The following ATP2A1 variants were observed in gnomAD, a reference collection of about 807,000 sequenced individuals.
ATP2A1 encodes the protein ATPase sarcoplasmic/endoplasmic reticulum Ca2+ transporting 1.
Under a neutral mutation model 109.5 loss-of-function variants are expected in ATP2A1, and 83 were observed. The observed-to-expected ratio is 0.76, with a 90% CI of 0.63 to 0.91. The LOEUF is 0.91. Ranked by LOEUF, ATP2A1 falls within the 40% of genes least tolerant of loss-of-function variation. ATP2A1 has a pLI of 0.00. For missense variants in ATP2A1, 1,101 were observed against 1,341.0 expected (o/e 0.82, Z 2.80); for synonymous variants, 505 against 537.6 (o/e 0.94, Z 0.84).
Position 28,878,629 on chromosome 16 carries a change from C to A in ATP2A1, c.-43C>A, listed in dbSNP as rs1304846936. 2.0e-6 allele frequency: 3 copies of A among 1,534,936 alleles called. No individual in the cohort carries two copies. The highest frequency in any genetic ancestry group is 2.7e-6 in the Non-Finnish European group (3 of 1,126,670). ...AAGACCCCCCACGAGTGGGAACCCC[C>A]TGGAAGGAACACACCGGCCCCGGCC... On this transcript the variant is annotated 5_prime_UTR_variant, in exon 1 of 23. In the 5' UTR this introduces an upstream ATG that the reference lacks. Transcript: ENST00000395503.
rs753722491 is a variant in ATP2A1 at position 28,903,342 on chromosome 16, C to A, written c.2882C>A (p.Ala961Asp). ...CCCCAGATGATCTTCAAGCTCCGGG[C>A]CCTGGACCTCACCCAGTGGCTCATG... ...DPLPMIFKLRALDLTQWLMVL... is the reference protein window; with the variant it reads ...DPLPMIFKLRDLDLTQWLMVL... Residue 961 changes from alanine (A) to aspartate (D), a missense_variant, in exon 21 of 23, where the codon GCC becomes GAC. Transcript: ENST00000395503. This position sits in a 1 kb window ranked among gnomAD's most constrained non-coding sequence, Gnocchi z 5.6. 1 of 1,613,934 alleles carries A rather than the reference C, an allele frequency of 6.2e-7. No individual in the cohort carries two copies. The highest frequency in any genetic ancestry group is 1.1e-5 in the South Asian group (1 of 91,074).
In ATP2A1 at chr16:28,902,431, A is replaced by G. The variant is rs1338822876; in HGVS notation, c.2524+45A>G. 2 of 1,602,608 alleles carry G rather than the reference A, an allele frequency of 1.2e-6. No homozygotes were observed. The highest frequency in any genetic ancestry group is 2.7e-5 in the African/African-American group (2 of 74,528). The stretch of plus-strand genomic sequence containing the variant: ...CGATCCTCCCCACCCCTTGGGACTA[A>G]CCCCCTCTCTGGGACACCAGCTCCC... On this transcript the variant is annotated intron_variant, in intron 17 of 22. Transcript: ENST00000395503. The surrounding 1 kb of genome is among the most constrained non-coding windows in gnomAD (Gnocchi z 4.8).
chr16:28,902,557 C>T lies in ATP2A1; in HGVS notation c.2525-23C>T, dbSNP rs750682349. On this transcript the variant is annotated intron_variant, in intron 17 of 22. Transcript: ENST00000395503. The surrounding 1 kb of genome is among the most constrained non-coding windows in gnomAD (Gnocchi z 4.8). ...CCCCTATCTCCCCAGCCCTGACCCCCGACTCCCCTCTCTCCACCACAGGCT... is the reference window on the plus strand; with the variant it reads ...CCCCTATCTCCCCAGCCCTGACCCCTGACTCCCCTCTCTCCACCACAGGCT... 6.8e-6 allele frequency: 11 copies of T among 1,612,618 alleles called. No individual in the cohort carries two copies. The highest frequency in any genetic ancestry group is 6.7e-5 in the East Asian group (3 of 44,882).
intron 5 of ATP2A1, among the ~76,000 whole-genome samples, 191 bp downstream of exon 5, chr16:28,882,780 G>A (rs1963522972): frequency 6.6e-6 from 1 of 152,180 alleles, no homozygotes; most frequent in South Asian, 2.1e-4. Context: ...GTCTCAGCAG[G>A]AACAGCCAGT....
Position 28,879,487 on chromosome 16 carries a change from G to A in ATP2A1, c.137-14G>A. On this transcript the variant is annotated splice_polypyrimidine_tract_variant and intron_variant, in intron 2 of 22. Coordinates refer to ENST00000395503, the MANE Select transcript of ATP2A1 (RefSeq NM_004320.6). ...GACCTTAACCCGGGGCCCTCCCCTT[G>A]CCTCCTCCCCCAGGGAAGACCCTGT... 1.2e-6 allele frequency: 2 copies of A among 1,613,388 alleles called. No homozygotes were observed. The highest frequency in any genetic ancestry group is 8.5e-7 in the Non-Finnish European group (1 of 1,179,374).
chr16:28,898,683 C>T lies in ATP2A1; in HGVS notation c.1764+232C>T, dbSNP rs540457991. Among the ~76,000 whole-genome samples, 29 of 152,006 alleles carry T rather than the reference C, an allele frequency of 1.9e-4. No individual in the cohort carries two copies. Among genetic ancestry groups the T allele is most frequent in the Non-Finnish European group, 2.8e-4 (19 of 68,020 alleles). The stretch of plus-strand genomic sequence containing the variant: ...CTTTGGGAAGCTGAGATGGGAAAAG[C>T]GCTTGAGCCCAGGAGTTCAAGACCA... On this transcript the variant is annotated intron_variant, in intron 14 of 22. Coordinates refer to ENST00000395503, the MANE Select transcript of ATP2A1 (RefSeq NM_004320.6). The surrounding 1 kb of genome is among the most constrained non-coding windows in gnomAD (Gnocchi z 4.0).
In ATP2A1 at chr16:28,886,776, C is replaced by T. The variant is rs192018139; in HGVS notation, c.545-413C>T. Among the ~76,000 whole-genome samples, 319 of 149,076 alleles carry T rather than the reference C, an allele frequency of 2.1e-3. 5 individuals carry two copies. Among genetic ancestry groups the T allele is most frequent in the African/African-American group, 7.7e-3 (311 of 40,366 alleles). ...CTGAGGTGGGCGGATCACTTGAGGTCAGGAGTTCGAGACCAGCCTGGCCAA... is the reference window on the plus strand; with the variant it reads ...CTGAGGTGGGCGGATCACTTGAGGTTAGGAGTTCGAGACCAGCCTGGCCAA... On this transcript the variant is annotated intron_variant, in intron 6 of 22. Coordinates refer to ENST00000395503, the MANE Select transcript of ATP2A1 (RefSeq NM_004320.6).
At chr16:28,879,712 G>T (rs867846169) in intron 3 of ATP2A1, 129 bp downstream of exon 3, 1 of 1,130,864 alleles carries the variant, frequency 8.8e-7, no homozygotes. Context: ...GGGGCGGGCT[G>T]GCGCGCAGCA....
chr16:28,884,149 GCCTT>G (rs1225788480), intron 5 of ATP2A1, among the ~76,000 whole-genome samples: 1 of 151,888 alleles, frequency 6.6e-6, no homozygotes, highest in East Asian at 1.9e-4. Flanking sequence ...TTTCCTCCTT[GCCTT>G]TCTCACTCCT....
At chr16:28,900,493 T>A in intron 14 of ATP2A1, 88 bp from the exon 15 acceptor site, 2 of 1,243,078 alleles carry the variant, frequency 1.6e-6, no homozygotes, top group Non-Finnish European at 1.1e-6. Flanking sequence ...TCCTGACCTT[T>A]CACCCCATCC....
chr16:28,894,392 C>T (rs1963859936), intron 10 of ATP2A1, 113 bp from the exon 11 acceptor site: 2 of 1,297,304 alleles, frequency 1.5e-6, no homozygotes, highest in East Asian at 2.5e-5. Flanking sequence ...AGTTGGCTCT[C>T]CCCACTGTCC....
chr16:28,898,253 C>T lies in ATP2A1; in HGVS notation c.1566C>T (p.Ile522=), dbSNP rs1249392655. 3.1e-6 allele frequency: 5 copies of T among 1,614,216 alleles called. No homozygotes were observed. The highest frequency in any genetic ancestry group is 3.4e-6 in the Non-Finnish European group (4 of 1,180,044). ...MFVKGAPEGV[I]DRCNYVRVGT... is the part of the protein sequence containing the mutation. ...CCTAGGGTGCCCCTGAGGGCGTCAT[C>T]GACCGCTGTAACTATGTGCGAGTTG... Residue 522 remains isoleucine, a synonymous_variant, in exon 14 of 23, where the codon ATC becomes ATT. Coordinates refer to ENST00000395503, the MANE Select transcript of ATP2A1 (RefSeq NM_004320.6). The surrounding 1 kb of genome is among the most constrained non-coding windows in gnomAD (Gnocchi z 4.0).
intron 6 of ATP2A1, 146 bp from the exon 7 acceptor site, chr16:28,887,043 G>T: frequency 2.6e-6 from 2 of 770,568 alleles, no homozygotes; most frequent in Non-Finnish European, 4.5e-6. Flanking sequence ...GCCTTCAGTG[G>T]CTTCTTCCAG....
intron 2 of ATP2A1, 122 bp downstream of exon 2, chr16:28,879,238 C>T: frequency 7.6e-7 from 1 of 1,316,168 alleles, no homozygotes; most frequent in Admixed American, 1.7e-5. Context: ...AGGCAAATCT[C>T]CCTCCCTAAA....
At chr16:28,894,065 G>C in intron 9 of ATP2A1, 90 bp from the exon 10 acceptor site, 1 of 1,062,824 alleles carries the variant, frequency 9.4e-7, no homozygotes, top group Non-Finnish European at 1.4e-6. Flanking sequence ...GGGAAGGTAG[G>C]TGTTGGCAGT....
At position 28,884,339 on chromosome 16, in the gene ATP2A1, G is replaced by A. The variant is rs11644151; in HGVS notation, c.464-236G>A. On this transcript the variant is annotated intron_variant, in intron 5 of 22. Coordinates refer to ENST00000395503, the MANE Select transcript of ATP2A1 (RefSeq NM_004320.6). ...AGATGTGGGAGTTCAAGACCAGCCT[G>A]AGCAACAGAGCGAGACTCCATCTCG... Among the ~76,000 whole-genome samples the A allele has an allele frequency of 0.26, 39,080 of 152,060 alleles. 5,634 individuals are homozygous for A. Among genetic ancestry groups the A allele is most frequent in the South Asian group, 0.64 (3,069 of 4,816 alleles).
Position 28,880,901 on chromosome 16 carries a change from C to T in ATP2A1, c.220-14C>T, listed in dbSNP as rs772144515. ...GCCTCATTACCTGTCATTCTCCTTT[C>T]CCCTGCTCCCCAGGTGCTGGCCTGG... On this transcript the variant is annotated splice_polypyrimidine_tract_variant and intron_variant, in intron 3 of 22. Coordinates refer to ENST00000395503, the MANE Select transcript of ATP2A1 (RefSeq NM_004320.6). The surrounding 1 kb of genome is among the most constrained non-coding windows in gnomAD (Gnocchi z 4.2). 55 of 1,610,564 alleles carry T rather than the reference C, an allele frequency of 3.4e-5. No individual in the cohort carries two copies. The South Asian group carries it at 5.7e-4, about 17-fold the overall frequency.
chr16:28,888,253 G>C (rs557732134), intron 8 of ATP2A1, among the ~76,000 whole-genome samples: 1 of 151,108 alleles, frequency 6.6e-6, no homozygotes, highest in South Asian at 2.1e-4. Context: ...GGCTGGTCTC[G>C]AACTCCTGGG....
intron 9 of ATP2A1, chr16:28,892,397 G>C (rs762001103): frequency 2.6e-6 from 1 of 377,648 alleles, no homozygotes; most frequent in South Asian, 2.0e-5. Context: ...AGAAATTGCT[G>C]TTCTGAGAAG....
Sources: gnomAD v4.1 joint callset for allele counts (sites outside exome capture counted in the v4.1 genomes callset) on GRCh38, gnomAD v4.1.1 for gene constraint, Gnocchi (gnomAD v3.1) non-coding constraint, MANE v1.5 for transcripts, NCBI Gene and HGNC (gene_info 2026-07-23, HGNC 2026-07-21) for gene names.